Variants in NRXN1 observed in about 807,000 individuals in gnomAD.
The protein encoded by NRXN1 is neurexin-1.
A neutral mutation model predicts 150.9 loss-of-function variants in NRXN1; 39 were observed. The observed-to-expected ratio is 0.26, with a 90% confidence interval of 0.20 to 0.34. The LOEUF (loss-of-function observed/expected upper bound fraction) is 0.34. NRXN1 is among the 10% of genes least tolerant of loss of function. NRXN1 has a pLI of 1.00. For missense variants in NRXN1, 1,815 were observed against 1,949.9 expected, an observed-to-expected ratio of 0.93 and a Z score of 1.30; for synonymous variants, 924 against 757.0, an observed-to-expected ratio of 1.22 and a Z score of -3.62.
At chr2:50,367,622 C>T (rs1012439833) in intron 17 of NRXN1, among the ~76,000 whole-genome samples, 1 of 151,924 alleles carries the variant, frequency 6.6e-6, no homozygotes, top group Admixed American at 6.6e-5. Flanking sequence ...TGGGCAGATC[C>T]CCATCCTCTC....
At chr2:51,025,719 C>A (rs1670337697) in intron 2 of NRXN1, among the ~76,000 whole-genome samples, 1 of 152,096 alleles carries the variant, frequency 6.6e-6, no homozygotes, top group Admixed American at 6.5e-5. Flanking sequence ...ATTATCATAT[C>A]TACCTAGCAT....
intron 5 of NRXN1, among the ~76,000 whole-genome samples, chr2:50,913,546 G>A (rs1357282428): frequency 2.6e-5 from 4 of 151,680 alleles, no homozygotes; most frequent in African/African-American, 7.3e-5. Flanking sequence ...CTTATTCATT[G>A]TCTCAGTAGT....
intron 5 of NRXN1, among the ~76,000 whole-genome samples, chr2:50,779,874 T>G (rs1559250357): frequency 6.6e-6 from 1 of 152,210 alleles, no homozygotes; most frequent in Non-Finnish European, 1.5e-5. Flanking sequence ...AACCCTTGGG[T>G]ATATACCCAG....
chr2:50,774,360 G>T lies in NRXN1; in HGVS notation c.832+147509C>A, dbSNP rs372837082. Among the ~76,000 whole-genome samples the T allele has an allele frequency of 1.2e-4, 19 of 152,224 alleles. No homozygotes were observed. In the East Asian group the frequency reaches 3.7e-3, roughly 30 times the overall value. On this transcript the variant is annotated intron_variant, in intron 5 of 22. Transcript: ENST00000401669. ...AAACACATTACAGATGAGTTGATTT[G>T]AGGGCATTTAGTACATTTGAGTATA...
chr2:50,400,953 C>T (rs1386961302), intron 17 of NRXN1, among the ~76,000 whole-genome samples: 2 of 152,114 alleles, frequency 1.3e-5, no homozygotes, highest in Middle Eastern at 3.2e-3. Flanking sequence ...TGTGTGATCA[C>T]CTTAATGCAA....
At chr2:50,713,489 T>G (rs1695464323) in intron 5 of NRXN1, among the ~76,000 whole-genome samples, 1 of 151,968 alleles carries the variant, frequency 6.6e-6, no homozygotes, top group Non-Finnish European at 1.5e-5. Context: ...AGAAGTGAAA[T>G]GTATGGTGTG....
At chr2:50,184,907 G>T (rs2060966819) in intron 18 of NRXN1, among the ~76,000 whole-genome samples, 1 of 152,116 alleles carries the variant, frequency 6.6e-6, no homozygotes, top group Non-Finnish European at 1.5e-5. Flanking sequence ...TAGCTAGTAA[G>T]TGACAGAGGT....
chr2:50,869,033 C>T (rs1244119806), intron 5 of NRXN1, among the ~76,000 whole-genome samples: 1 of 151,610 alleles, frequency 6.6e-6, no homozygotes, highest in Non-Finnish European at 1.5e-5. Context: ...ATAGAAATGC[C>T]TTCATGTTCA....
At chr2:50,185,799 C>A (rs1030880134) in intron 18 of NRXN1, 2 of 152,086 alleles carry the variant, frequency 1.3e-5, no homozygotes, top group African/African-American at 4.8e-5. Context: ...TTTCTTACAA[C>A]AACTAGCTTT....
intron 17 of NRXN1, among the ~76,000 whole-genome samples, chr2:50,357,467 C>T (rs1257371632): frequency 3.9e-5 from 6 of 151,942 alleles, no homozygotes; most frequent in African/African-American, 1.2e-4. Context: ...TGCCACCATG[C>T]CCGGCTAATT....
Position 50,053,542 on chromosome 2 carries a change from C to T in NRXN1, c.3857G>A (p.Gly1286Glu). ...CTGGAAGGGCTGGCCCTGCTCTTTCCCGCCAATTATTATGGTTGCTTGGCT... is the reference window on the plus strand; with the variant it reads ...CTGGAAGGGCTGGCCCTGCTCTTTCTCGCCAATTATTATGGTTGCTTGGCT... ...FNSQATIIIG[G>E]KEQGQPFQGQ... The change falls in exon 21 of 23, where the codon GGG (glycine) becomes GAG (glutamate). Residue 1286 changes from glycine (G) to glutamate (E), a missense_variant. By Grantham distance (98) the Gly-to-Glu change is moderately conservative. Coordinates refer to ENST00000401669, the MANE Select transcript of NRXN1 (RefSeq NM_001330078.2). 1 of 1,614,052 alleles carries T rather than the reference C, an allele frequency of 6.2e-7. No individual in the cohort carries two copies. The highest frequency in any genetic ancestry group is 8.5e-7 in the Non-Finnish European group (1 of 1,179,936).
At chr2:50,500,042 AC>A (rs1190884155) in intron 13 of NRXN1, among the ~76,000 whole-genome samples, 2 of 151,782 alleles carry the variant, frequency 1.3e-5, no homozygotes, top group Non-Finnish European at 2.9e-5. Flanking sequence ...TAACTCAGTG[AC>A]CCCTACCCTG....
At chr2:50,745,306 C>T (rs563709766) in intron 5 of NRXN1, among the ~76,000 whole-genome samples, 4 of 147,422 alleles carry the variant, frequency 2.7e-5, no homozygotes, top group African/African-American at 5.0e-5. Context: ...TCTGCCCCCC[C>T]CCAGGACTGA....
chr2:49,966,138 C>A (rs1306356901), intron 21 of NRXN1, among the ~76,000 whole-genome samples: 1 of 152,120 alleles, frequency 6.6e-6, no homozygotes. Flanking sequence ...ATTAGCAAAG[C>A]TAGAAGTTTG....
At position 50,435,038 on chromosome 2, in the gene NRXN1, T is replaced by C. The variant is rs753141155; in HGVS notation, c.3364+30404A>G. ...ATTTTTTTTCAAAATGCAAATAACA[T>C]ATTGAACTATGTATATTTACGGGGT... is the stretch of plus-strand genomic sequence containing the variant. On this transcript the variant is annotated intron_variant, in intron 17 of 22. Coordinates refer to ENST00000401669, the MANE Select transcript of NRXN1 (RefSeq NM_001330078.2). 2.6e-5 allele frequency among the ~76,000 whole-genome samples: 4 copies of C among 152,294 alleles called. No homozygotes were observed. The East Asian group carries it at 5.8e-4, about 22-fold the overall frequency.
At chr2:50,848,459 C>T (rs1674017180) in intron 5 of NRXN1, among the ~76,000 whole-genome samples, 1 of 152,070 alleles carries the variant, frequency 6.6e-6, no homozygotes, top group Admixed American at 6.5e-5. Context: ...GAGCTGCCCC[C>T]TACAGCTCTG....
At chr2:50,461,248 G>C (rs2088176881) in intron 17 of NRXN1, among the ~76,000 whole-genome samples, 1 of 151,772 alleles carries the variant, frequency 6.6e-6, no homozygotes, top group African/African-American at 2.4e-5. Flanking sequence ...TTTTCTCTTG[G>C]CAAAGTTTAG....
chr2:50,782,760 G>A (rs560642204), intron 5 of NRXN1, among the ~76,000 whole-genome samples: 6 of 152,276 alleles, frequency 3.9e-5, no homozygotes, highest in African/African-American at 1.4e-4. Context: ...TCTGGGTTAT[G>A]GCTGGTTCTA....
chr2:50,496,410 C>T (rs780186828), intron 14 of NRXN1, among the ~76,000 whole-genome samples: 191 of 152,276 alleles, frequency 1.3e-3, no homozygotes, highest in Admixed American at 5.7e-3. Flanking sequence ...TCCCTCCATC[C>T]TTTTCTAACA....
Sources: gnomAD v4.1 joint callset for allele counts (sites outside exome capture counted in the v4.1 genomes callset) on GRCh38, gnomAD v4.1.1 for gene constraint, MANE v1.5 for transcripts, NCBI Gene and HGNC (gene_info 2026-07-23, HGNC 2026-07-21) for gene names.